The following MRTFA variants were observed in gnomAD, a reference collection of about 807,000 sequenced individuals.
The protein encoded by MRTFA is myocardin-related transcription factor A.
Under a neutral mutation model 83.5 loss-of-function variants are expected in MRTFA, and 20 were observed. The observed-to-expected ratio is 0.24, with a 90% CI of 0.17 to 0.35. MRTFA has a LOEUF of 0.35. Ranked by LOEUF, MRTFA falls within the 10% of genes least tolerant of loss-of-function variation. MRTFA has a pLI of 1.00. For missense variants in MRTFA, 1,200 were observed against 1,224.7 expected (o/e 0.98, Z 0.30); for synonymous variants, 659 against 541.2 (o/e 1.22, Z -3.02).
rs17001916 is a variant in MRTFA, at chr22:40,448,892, G to A, written c.308-13338C>T. Among the ~76,000 whole-genome samples the A allele has an allele frequency of 3.6e-3, 545 of 152,256 alleles. 26 individuals are homozygous for A. In the East Asian group the frequency reaches 0.087, roughly 24 times the overall value. The stretch of plus-strand genomic sequence containing the variant: ...AGAGGCAGGCAAGCCAGGCTTTTCC[G>A]AGCATTGGAGATGAACGCTCAGAAT... On this transcript the variant is annotated intron_variant, in intron 4 of 14. Coordinates refer to ENST00000355630, the MANE Select transcript of MRTFA (RefSeq NM_020831.6).
In MRTFA at chr22:40,418,758, T is replaced by G; in HGVS notation, c.1980A>C (p.Arg660=). 6.5e-7 allele frequency: 1 copy of G among 1,528,444 alleles called. No individual in the cohort carries two copies. The highest frequency in any genetic ancestry group is 8.7e-7 in the Non-Finnish European group (1 of 1,143,636). The allele number at this position is 1,528,444 out of a possible 1,614,324, so 94.7% of individuals were successfully genotyped here. A position where few individuals can be genotyped will look rare whatever the true frequency, so the allele number is the denominator to read the frequency against. The change falls in exon 12 of 15, where the codon CGA becomes CGC. Residue 660 remains arginine (R), a synonymous_variant. Transcript: ENST00000355630. ...CGGGGGCGGGGGCGGGCTGCTGGGC[T>G]CGCTTCTCCTGCTCCAGCTGCAGCT... is the stretch of plus-strand genomic sequence containing the variant.
At chr22:40,565,300 A>T (rs544238200) in intron 2 of MRTFA, among the ~76,000 whole-genome samples, 1 of 152,168 alleles carries the variant, frequency 6.6e-6, no homozygotes, top group Non-Finnish European at 1.5e-5. Flanking sequence ...CAATCCCAGG[A>T]CTTTGGGAGG....
chr22:40,446,716 G>A (rs1224727333), intron 4 of MRTFA, among the ~76,000 whole-genome samples: 1 of 152,172 alleles, frequency 6.6e-6, no homozygotes, highest in Non-Finnish European at 1.5e-5. Context: ...GTGGATTGGT[G>A]GAAGCACAAA....
intron 14 of MRTFA, among the ~76,000 whole-genome samples, chr22:40,413,609 A>AT (rs1602193783): frequency 6.6e-6 from 1 of 151,280 alleles, no homozygotes; most frequent in Non-Finnish European, 1.5e-5. Context: ...GCCCGGATAA[A>AT]TTTTTTGTAT....
chr22:40,607,035 C>T lies in MRTFA; in HGVS notation c.-83-12300G>A, dbSNP rs563808619. ...AAGTAAGATAGCATACATGAAAGCA[C>T]CTAACAGTGCCTAACAGAAAACAGA... On this transcript the variant is annotated intron_variant, in intron 1 of 14. Transcript: ENST00000355630. Among the ~76,000 whole-genome samples, 12 of 152,304 alleles carry T rather than the reference C, an allele frequency of 7.9e-5. No individual in the cohort carries two copies. The South Asian group carries it at 1.9e-3, about 24-fold the overall frequency.
At chr22:40,456,116 T>C (rs1045851140) in intron 4 of MRTFA, among the ~76,000 whole-genome samples, 4 of 152,062 alleles carry the variant, frequency 2.6e-5, no homozygotes, top group Non-Finnish European at 5.9e-5. Context: ...TTAATAAAGA[T>C]AGCCTGATAG....
Position 40,416,886 on chromosome 22 carries a change from T to C in MRTFA, c.2578+100A>G. 8.8e-7 allele frequency: 1 copy of C among 1,132,150 alleles called. No homozygotes were observed. Among genetic ancestry groups the C allele is most frequent in the Non-Finnish European group, 1.3e-6 (1 of 777,712 alleles). 70.1% of individuals were successfully genotyped at this position (1,132,150 alleles called of 1,614,324 possible). A position where few individuals can be genotyped will look rare whatever the true frequency, so the allele number is the denominator to read the frequency against. ...ATCCACAGTGCTTGCCCAAGACTGG[T>C]CACGCACGGAAGCATTCAATAAAAA... On this transcript the variant is annotated intron_variant, in intron 14 of 14. Transcript: ENST00000355630. This position sits in a 1 kb window ranked among gnomAD's most constrained non-coding sequence, Gnocchi z 4.2.
chr22:40,500,311 T>G (rs1043603414), intron 3 of MRTFA, among the ~76,000 whole-genome samples: 2 of 145,718 alleles, frequency 1.4e-5, no homozygotes, highest in African/African-American at 5.1e-5. Flanking sequence ...ACTTTCATAT[T>G]GCTTTCTTTT....
At chr22:40,475,331 A>G (rs916684312) in intron 3 of MRTFA, among the ~76,000 whole-genome samples, 2 of 151,672 alleles carry the variant, frequency 1.3e-5, no homozygotes, top group Non-Finnish European at 2.9e-5. Flanking sequence ...TGAGGTCAGG[A>G]GTTCGAGACC....
At position 40,559,717 on chromosome 22, in the gene MRTFA, A is replaced by G. The variant is rs142412452; in HGVS notation, c.-21-7350T>C. ...CCACCTTGCCTGACAGAACACATAC[A>G]TTTTTAATAGTTTAAAGAAAGGACT... On this transcript the variant is annotated intron_variant, in intron 2 of 14. Transcript: ENST00000355630. Among the ~76,000 whole-genome samples, 4 of 152,260 alleles carry G rather than the reference A, an allele frequency of 2.6e-5. No homozygotes were observed. In the East Asian group the frequency reaches 7.7e-4, roughly 29 times the overall value.
chr22:40,440,319 T>G (rs2053251653), intron 4 of MRTFA, among the ~76,000 whole-genome samples: 2 of 152,190 alleles, frequency 1.3e-5, no homozygotes, highest in Non-Finnish European at 2.9e-5. Context: ...TGAGATGCAG[T>G]AACCTGCCAG....
Position 40,418,758 on chromosome 22 carries a change from TCG to T in MRTFA, c.1978_1979del (p.Arg660SerfsTer71). 6.5e-7 allele frequency: 1 copy of T among 1,528,444 alleles called. No individual in the cohort carries two copies. Among genetic ancestry groups the T allele is most frequent in the Non-Finnish European group, 8.7e-7 (1 of 1,143,636 alleles). 94.7% of individuals were successfully genotyped at this position (1,528,444 alleles called of 1,614,324 possible). On this transcript the variant is annotated frameshift_variant, in exon 12 of 15. Coordinates refer to ENST00000355630, the MANE Select transcript of MRTFA (RefSeq NM_020831.6). LOFTEE classifies it high-confidence loss of function. ...CGGGGGCGGGGGCGGGCTGCTGGGC[TCG>T]CTTCTCCTGCTCCAGCTGCAGCTTG...
intron 3 of MRTFA, among the ~76,000 whole-genome samples, chr22:40,528,613 T>G (rs2055020082): frequency 1.3e-5 from 2 of 151,868 alleles, no homozygotes; most frequent in Non-Finnish European, 2.9e-5. Flanking sequence ...GGTACATGCC[T>G]GTAATCCCAG....
rs1417849237 is a variant in MRTFA, at chr22:40,420,964, A to G, written c.1064T>C (p.Met355Thr). The change falls in exon 10 of 15, where the codon ATG becomes ACG. Residue 355 changes from methionine to threonine, a missense_variant. Physicochemically the swap from Met to Thr is moderately conservative, Grantham distance 81. This residue lies in a region of MRTFA where 1,107 missense variants were observed against 1,041.8 expected (regional missense o/e 1.06). Coordinates refer to ENST00000355630, the MANE Select transcript of MRTFA (RefSeq NM_020831.6). ...CAGGATCTTGGCGTAGGATGAGTCCATGGGGGGTGCCCCCCTGTCCTGCTT... is the reference window on the plus strand; with the variant it reads ...CAGGATCTTGGCGTAGGATGAGTCCGTGGGGGGTGCCCCCCTGTCCTGCTT... 6.2e-7 allele frequency: 1 copy of G among 1,613,396 alleles called. No individual in the cohort carries two copies. The highest frequency in any genetic ancestry group is 8.5e-7 in the Non-Finnish European group (1 of 1,179,496).
intron 2 of MRTFA, among the ~76,000 whole-genome samples, chr22:40,594,220 T>C (rs2056159839): frequency 6.6e-6 from 1 of 152,216 alleles, no homozygotes; most frequent in South Asian, 2.1e-4. Flanking sequence ...TACTGTCTAG[T>C]CAGGTCCTTT....
intron 3 of MRTFA, among the ~76,000 whole-genome samples, chr22:40,548,380 AT>A (rs2055398457): frequency 6.7e-6 from 1 of 149,738 alleles, no homozygotes; most frequent in African/African-American, 2.5e-5. Flanking sequence ...AAAAAAAAAA[AT>A]TGGGAACTGG....
In MRTFA at chr22:40,606,720, T is replaced by C. The variant is rs12167082; in HGVS notation, c.-83-11985A>G. Among the ~76,000 whole-genome samples, 490 of 152,314 alleles carry C rather than the reference T, an allele frequency of 3.2e-3. 1 individual carries two copies. Among genetic ancestry groups the C allele is most frequent in the Admixed American group, 9.9e-3 (152 of 15,300 alleles). ...ATTCTTTTCAGAGGGAAAAAGTGCT[T>C]AGGATTCCTCTTTGGAGACATCAGA... On this transcript the variant is annotated intron_variant, in intron 1 of 14. Transcript: ENST00000355630.
rs185088130 is a variant in MRTFA at position 40,492,614 on chromosome 22, T to C, written c.242-29328A>G. On this transcript the variant is annotated intron_variant, in intron 3 of 14. Transcript: ENST00000355630. ...ATGACTAGGTTCCCTCTTCTCTCTC[T>C]TGCCCTCCCTCCCTTCTTGTACAAA... is the stretch of plus-strand genomic sequence containing the variant. 1.8e-4 allele frequency among the ~76,000 whole-genome samples: 27 copies of C among 152,308 alleles called. 1 individual carries two copies. The highest frequency in any genetic ancestry group is 8.3e-4 in the South Asian group (4 of 4,818).
At chr22:40,428,519 C>T (rs2053001035) in intron 7 of MRTFA, among the ~76,000 whole-genome samples, 1 of 152,146 alleles carries the variant, frequency 6.6e-6, no homozygotes, top group African/African-American at 2.4e-5. Flanking sequence ...GCTCCCACCT[C>T]GTTTTTGTTT....
Sources: allele counts gnomAD v4.1 joint callset (sites outside exome capture counted in the v4.1 genomes callset), GRCh38; gene constraint gnomAD v4.1.1; regional missense constraint gnomAD v4.1.1; non-coding constraint Gnocchi (gnomAD v3.1); transcripts MANE v1.5; gene names NCBI Gene and HGNC (gene_info 2026-07-23, HGNC 2026-07-21).